TMEM92: variants seen among roughly 807,000 people sequenced by gnomAD.
The protein encoded by TMEM92 is transmembrane protein 92.
TMEM92 carries 15 observed loss-of-function variants against 14.6 expected under a neutral mutation model. The ratio of observed to expected loss-of-function variants is 1.03; its 90% confidence interval spans 0.69 to 1.58. The LOEUF is 1.58. Among genes scored for constraint, TMEM92 ranks in the 40% most tolerant of loss-of-function variants. The pLI is 0.00. For missense variants in TMEM92, 174 were observed against 202.4 expected (o/e 0.86, Z 0.85); for synonymous variants, 85 against 83.3 (o/e 1.02, Z -0.11).
upstream of TMEM92, chr17:50,274,378 A>C (rs1863003638): frequency 2.2e-6 from 2 of 924,384 alleles, no homozygotes; most frequent in African/African-American, 1.6e-5. Context: ...CCCTGCCCCG[A>C]GTCCGCCTCT....
chr17:50,273,508 G>A (rs1429826124), upstream of TMEM92, among the ~76,000 whole-genome samples: 2 of 152,254 alleles, frequency 1.3e-5, no homozygotes, highest in African/African-American at 4.8e-5. Context: ...GCGGACCCCG[G>A]GGCAGTCTAA....
Position 50,274,539 on chromosome 17 carries a change from T to G in TMEM92, c.38T>G (p.Leu13Trp). The change falls in exon 1 of 5, where the codon TTG becomes TGG. Residue 13 changes from leucine to tryptophan, a missense_variant. Coordinates refer to ENST00000507382, the MANE Select transcript of TMEM92 (RefSeq NM_153229.3). ...TGGGTCCCCGGCCTCGCGCCCACCT[T>G]GCTGTTCAGCCTGCTGGCTGGCCCC... The part of the protein sequence containing the change: ...QAWVPGLAPT[L>W]LFSLLAGPQK... 6.2e-7 allele frequency: 1 copy of G among 1,613,980 alleles called. No homozygotes were observed. The highest frequency in any genetic ancestry group is 8.5e-7 in the Non-Finnish European group (1 of 1,179,940).
At position 50,277,733 on chromosome 17, in the gene TMEM92, C is replaced by A. The variant is rs1008190788; in HGVS notation, c.88C>A (p.Leu30Ile). ...GPQKIAAKCG[L>I]ILACPKGFKC... ...TCCACAGATTGCAGCCAAATGTGGT[C>A]TCATCCTGTAAGTCTAGAGGCCATA... Residue 30 changes from leucine (L) to isoleucine (I), a missense_variant, in exon 2 of 5, where the codon CTC becomes ATC. By Grantham distance (5) the Leu-to-Ile change is conservative. Coordinates refer to ENST00000507382, the MANE Select transcript of TMEM92 (RefSeq NM_153229.3). 4.3e-6 allele frequency: 7 copies of A among 1,613,898 alleles called. No individual in the cohort carries two copies. Among genetic ancestry groups the A allele is most frequent in the Non-Finnish European group, 4.2e-6 (5 of 1,179,960 alleles).
chr17:50,273,479 CAGA>C (rs1256074451), upstream of TMEM92, among the ~76,000 whole-genome samples: 3 of 152,270 alleles, frequency 2.0e-5, no homozygotes, highest in African/African-American at 7.2e-5. Flanking sequence ...GCGGGCCTGG[CAGA>C]GGACCAGCCC....
In TMEM92 at chr17:50,277,706, C is replaced by T; in HGVS notation, c.70-9C>T. ...GACCCTGACCCCCGACCTCTCTTTT[C>T]TTCCACAGATTGCAGCCAAATGTGG... On this transcript the variant is annotated splice_polypyrimidine_tract_variant and intron_variant, in intron 1 of 4. Coordinates refer to ENST00000507382, the MANE Select transcript of TMEM92 (RefSeq NM_153229.3). The T allele has an allele frequency of 1.2e-6, 2 of 1,614,032 alleles. No homozygotes were observed. The highest frequency in any genetic ancestry group is 2.2e-5 in the East Asian group (1 of 44,878).
intron 2 of TMEM92, 61 bp from the exon 3 acceptor site, chr17:50,278,495 T>C: frequency 6.3e-7 from 1 of 1,586,326 alleles, no homozygotes; most frequent in Non-Finnish European, 8.6e-7. Flanking sequence ...CTGGGATCCT[T>C]CTGCCTCTCC....
chr17:50,274,334 C>A (rs934719880), upstream of TMEM92: 1 of 658,152 alleles, frequency 1.5e-6, no homozygotes, highest in Non-Finnish European at 2.6e-6. Flanking sequence ...CAGACCTCTG[C>A]GCCTCCCTTC....
chr17:50,274,130 C>T (rs1186574656), upstream of TMEM92, among the ~76,000 whole-genome samples: 1 of 150,778 alleles, frequency 6.6e-6, no homozygotes, highest in African/African-American at 2.5e-5. Context: ...AGGCACCCGC[C>T]ACCACGCCCG....
Position 50,277,145 on chromosome 17 carries a change from A to G in TMEM92, c.70-570A>G, listed in dbSNP as rs1013113541. On this transcript the variant is annotated intron_variant, in intron 1 of 4. Transcript: ENST00000507382. ...AATCCCTTAGGCAGGGATCTGAAGG[A>G]TGAATGGAGGCTTGGACAGGTGTAA... is the stretch of plus-strand genomic sequence containing the variant. Among the ~76,000 whole-genome samples the G allele has an allele frequency of 2.6e-5, 4 of 152,132 alleles. No individual in the cohort carries two copies. In the East Asian group the frequency reaches 7.7e-4, roughly 29 times the overall value.
chr17:50,277,446 G>A (rs781368391), intron 1 of TMEM92, among the ~76,000 whole-genome samples: 10 of 151,908 alleles, frequency 6.6e-5, no homozygotes, highest in Non-Finnish European at 1.0e-4. Context: ...CAGGTTGGAA[G>A]GGTGGTCAGA....
chr17:50,275,764 G>A (rs974774988), intron 1 of TMEM92, among the ~76,000 whole-genome samples: 1 of 152,166 alleles, frequency 6.6e-6, no homozygotes, highest in African/African-American at 2.4e-5. Flanking sequence ...TGGGGTCTGA[G>A]GGGGAAGGGG....
At chr17:50,271,901 A>G (rs568030366), upstream of TMEM92, among the ~76,000 whole-genome samples, 24 of 152,184 alleles carry the variant, frequency 1.6e-4, no homozygotes, top group African/African-American at 5.8e-4. Flanking sequence ...TTAGCTGGAC[A>G]TAGTGGCACA....
rs1312073771 is a variant in TMEM92 at position 50,278,830 on chromosome 17, T to G, written c.200T>G (p.Leu67Arg). ...TTCGTCATCATCTTCCTGGTCATCC[T>G]GTCCGTCTTTTGCATCTGTGGCCTG... Reference protein sequence around the residue: ...RIFVIIFLVILSVFCICGLAK... With the variant: ...RIFVIIFLVIRSVFCICGLAK... The change falls in exon 4 of 5, where the codon CTG becomes CGG. Residue 67 changes from leucine to arginine, a missense_variant. Transcript: ENST00000507382. The G allele has an allele frequency of 6.2e-7, 1 of 1,613,220 alleles. No individual in the cohort carries two copies. The highest frequency in any genetic ancestry group is 1.1e-5 in the South Asian group (1 of 91,058).
At chr17:50,275,875 C>T (rs1910414430) in intron 1 of TMEM92, among the ~76,000 whole-genome samples, 1 of 152,082 alleles carries the variant, frequency 6.6e-6, no homozygotes, top group Non-Finnish European at 1.5e-5. Context: ...CGCAGTGGCT[C>T]ACGCCTGTAA....
rs1205819826 is a variant in TMEM92 at position 50,278,922 on chromosome 17, CT to C, written c.293del (p.Leu98ArgfsTer26). On this transcript the variant is annotated frameshift_variant, in exon 4 of 5. Transcript: ENST00000507382. LOFTEE classifies it high-confidence loss of function. The part of the protein sequence containing the change: ...PDSPVDCRGP[L>X]ELPSIIPPER... Reference sequence around the variant, plus strand: ...CAGCCCAGTGGATTGCCGGGGGCCCCTGGAACTGCCCTCCATCATCCCCCCA... The same window carrying C: ...CAGCCCAGTGGATTGCCGGGGGCCCCGGAACTGCCCTCCATCATCCCCCCA... The C allele has an allele frequency of 1.9e-6, 3 of 1,613,748 alleles. No individual in the cohort carries two copies. The African/African-American group carries it at 4.0e-5, about 22-fold the overall frequency.
At chr17:50,277,217 G>C (rs760549312) in intron 1 of TMEM92, among the ~76,000 whole-genome samples, 7 of 152,114 alleles carry the variant, frequency 4.6e-5, no homozygotes, top group Non-Finnish European at 1.0e-4. Flanking sequence ...TGTGTGAGAG[G>C]AAGAGAAAGA....
chr17:50,281,294 G>A lies in TMEM92; in HGVS notation c.*1986G>A, dbSNP rs1025057485. ...ATCTTTACGAAGCTCCTGCTATGTA[G>A]GAAACACTATGCCTGGCACTGGGTA... On this transcript the variant is annotated 3_prime_UTR_variant, in exon 5 of 5. Coordinates refer to ENST00000507382, the MANE Select transcript of TMEM92 (RefSeq NM_153229.3). The A allele has an allele frequency of 1.3e-5, 2 of 152,166 alleles. No homozygotes were observed. The highest frequency in any genetic ancestry group is 1.3e-4 in the Admixed American group (2 of 15,276). The allele number at this position is 152,166 out of a possible 1,614,324, so 9.4% of individuals were successfully genotyped here. A position where few individuals can be genotyped will look rare whatever the true frequency, so the allele number is the denominator to read the frequency against.
At chr17:50,275,509 A>G (rs2950645) in intron 1 of TMEM92, among the ~76,000 whole-genome samples, 124,480 of 151,854 alleles carry the variant, frequency 0.82, 51,320 homozygotes, top group East Asian at 0.98. Context: ...TGCTGTTAAT[A>G]CCTTCAATTC....
At chr17:50,274,257 C>G (rs1163973241), upstream of TMEM92, among the ~76,000 whole-genome samples, 4 of 152,156 alleles carry the variant, frequency 2.6e-5, no homozygotes, top group Admixed American at 6.5e-5. Flanking sequence ...CGTGAGCCAC[C>G]GCGCCCGGGA....
Sources: gnomAD v4.1 joint callset for allele counts (sites outside exome capture counted in the v4.1 genomes callset) on GRCh38, gnomAD v4.1.1 for gene constraint, MANE v1.5 for transcripts, NCBI Gene and HGNC (gene_info 2026-07-23, HGNC 2026-07-21) for gene names.